LRRFIP2: variants seen among roughly 807,000 people sequenced by gnomAD.
The protein encoded by LRRFIP2 is leucine-rich repeat flightless-interacting protein 2.
Under a neutral mutation model 125.9 loss-of-function variants are expected in LRRFIP2, and 109 were observed. The observed-to-expected ratio is 0.87, with a 90% CI of 0.74 to 1.01. The LOEUF (loss-of-function observed/expected upper bound fraction) is 1.01, where lower values mean the gene tolerates loss of function less well. Among genes scored for constraint, LRRFIP2 ranks in the 50% least tolerant of loss-of-function variants. The pLI is 0.00. For synonymous variants in LRRFIP2, 291 were observed against 293.1 expected (o/e 0.99, Z 0.07); for missense variants, 850 against 862.3 (o/e 0.99, Z 0.18).
chr3:37,132,329 T>C (rs945791896), intron 2 of LRRFIP2, among the ~76,000 whole-genome samples: 14 of 152,234 alleles, frequency 9.2e-5, no homozygotes, highest in African/African-American at 3.4e-4. Flanking sequence ...AGAATGCTAA[T>C]TTTATCCTTC....
intron 4 of LRRFIP2, among the ~76,000 whole-genome samples, chr3:37,123,358 C>T (rs1363239539): frequency 6.6e-6 from 1 of 152,112 alleles, no homozygotes; most frequent in East Asian, 1.9e-4. Flanking sequence ...CACCCGGCTA[C>T]TTTTTGTTTT....
chr3:37,137,094 G>A (rs2095577036), intron 2 of LRRFIP2, among the ~76,000 whole-genome samples: 2 of 151,768 alleles, frequency 1.3e-5, no homozygotes, highest in African/African-American at 4.8e-5. Context: ...TCAGCCTCCT[G>A]ATTAGCTGAG....
At chr3:37,152,685 C>A (rs1027817729) in intron 1 of LRRFIP2, among the ~76,000 whole-genome samples, 2 of 152,140 alleles carry the variant, frequency 1.3e-5, no homozygotes, top group South Asian at 2.1e-4. Context: ...TCAGGTGATC[C>A]GCCCGCCTCA....
Position 37,118,682 on chromosome 3 carries a change from T to C in LRRFIP2, c.330+2810A>G, listed in dbSNP as rs529320500. ...CTTTCAAAAAGATAGTATATGAAAG[T>C]TAATTGGACAAAAGGAGAAACCTAA... is the stretch of plus-strand genomic sequence containing the variant. On this transcript the variant is annotated intron_variant, in intron 6 of 27. Coordinates refer to ENST00000336686, the MANE Select transcript of LRRFIP2 (RefSeq NM_006309.4). Among the ~76,000 whole-genome samples the C allele has an allele frequency of 2.0e-5, 3 of 152,160 alleles. No homozygotes were observed. The South Asian group carries it at 6.2e-4, about 32-fold the overall frequency.
chr3:37,129,095 G>A lies in LRRFIP2; in HGVS notation c.145C>T (p.Arg49Cys), dbSNP rs141469705. ...RAARAEARDI[R>C]MRELERQQKE... ...TGTTGTCGTTCCAGTTCTCTCATGC[G>A]TATATCTCTTGCTTCTGCCCGGGCA... The change falls in exon 3 of 28, where the codon CGC (arginine) becomes TGC (cysteine). Residue 49 changes from arginine (R) to cysteine (C), a missense_variant. By Grantham distance (180) the Arg-to-Cys change is radical (BLOSUM62 -3). Coordinates refer to ENST00000336686, the MANE Select transcript of LRRFIP2 (RefSeq NM_006309.4). 9 of 1,613,892 alleles carry A rather than the reference G, an allele frequency of 5.6e-6. No individual in the cohort carries two copies. Among genetic ancestry groups the A allele is most frequent in the East Asian group, 4.5e-5 (2 of 44,884 alleles).
At chr3:37,085,456 G>C (rs1396671766) in intron 18 of LRRFIP2, among the ~76,000 whole-genome samples, 2 of 151,770 alleles carry the variant, frequency 1.3e-5, no homozygotes, top group Admixed American at 1.3e-4. Context: ...AGGAGGCAGA[G>C]GTTGCAGTGA....
chr3:37,113,208 T>C (rs2094617768), intron 7 of LRRFIP2, among the ~76,000 whole-genome samples: 1 of 152,182 alleles, frequency 6.6e-6, no homozygotes, highest in African/African-American at 2.4e-5. Flanking sequence ...GTGCCAAGCA[T>C]CTGTGTGTCT....
chr3:37,086,383 G>A (rs1446032443), intron 18 of LRRFIP2, among the ~76,000 whole-genome samples: 1 of 152,132 alleles, frequency 6.6e-6, no homozygotes, highest in Non-Finnish European at 1.5e-5. Flanking sequence ...ATCTACCAAA[G>A]AGAATTGAAA....
intron 13 of LRRFIP2, among the ~76,000 whole-genome samples, chr3:37,106,877 A>C (rs2094350311): frequency 6.6e-6 from 1 of 151,906 alleles, no homozygotes; most frequent in Admixed American, 6.6e-5. Flanking sequence ...AAAATATGAC[A>C]ATCTAATGTC....
intron 17 of LRRFIP2, among the ~76,000 whole-genome samples, chr3:37,094,248 T>C (rs1050624938): frequency 6.6e-6 from 1 of 152,196 alleles, no homozygotes; most frequent in Admixed American, 6.5e-5. Context: ...AAATAAAATA[T>C]ATATTTTTTA....
chr3:37,108,085 T>G lies in LRRFIP2; in HGVS notation c.702A>C (p.Arg234=), dbSNP rs201895463. 4.1e-5 allele frequency: 66 copies of G among 1,613,948 alleles called. No homozygotes were observed. The highest frequency in any genetic ancestry group is 3.3e-4 in the Middle Eastern group (2 of 6,058). Residue 234 remains arginine (R), a synonymous_variant, in exon 13 of 28, where the codon CGA becomes CGC. Coordinates refer to ENST00000336686, the MANE Select transcript of LRRFIP2 (RefSeq NM_006309.4). The stretch of plus-strand genomic sequence containing the variant: ...CTAGACAGCTCACCCCTGGACTGCT[T>G]CGGGCTGAACTTATTCTTGATGAAT... ...SYYSSRISSA[R]SSPGFTNDDT... is the part of the protein sequence containing the mutation.
intron 2 of LRRFIP2, among the ~76,000 whole-genome samples, chr3:37,139,543 C>T (rs2095638698): frequency 6.6e-6 from 1 of 152,150 alleles, no homozygotes; most frequent in Non-Finnish European, 1.5e-5. Flanking sequence ...CCTCCAAAGC[C>T]ACTAACAGAC....
intron 19 of LRRFIP2, among the ~76,000 whole-genome samples, chr3:37,081,119 A>T (rs1298315388): frequency 6.6e-6 from 1 of 152,228 alleles, no homozygotes; most frequent in Non-Finnish European, 1.5e-5. Context: ...ACAGCCAGGC[A>T]TGGTAGCATG....
chr3:37,103,053 G>GA, intron 14 of LRRFIP2, 40 bp from the exon 15 acceptor site: 1 of 1,449,994 alleles, frequency 6.9e-7, no homozygotes, highest in East Asian at 2.5e-5. Flanking sequence ...TCAAGGTTAA[G>GA]AAAAAAGAAA....
chr3:37,117,769 T>C (rs973703517), intron 6 of LRRFIP2, among the ~76,000 whole-genome samples: 9 of 152,108 alleles, frequency 5.9e-5, no homozygotes, highest in Non-Finnish European at 1.3e-4. Flanking sequence ...TACTCAAATA[T>C]CAAGGACACT....
chr3:37,069,794 T>G (rs1392782992), intron 21 of LRRFIP2, among the ~76,000 whole-genome samples: 1 of 152,232 alleles, frequency 6.6e-6, no homozygotes, highest in African/African-American at 2.4e-5. Context: ...CTTGAGGGAC[T>G]TATACAGAGT....
rs189197272 is a variant in LRRFIP2, at chr3:37,136,043, C to T, written c.91-6894G>A. On this transcript the variant is annotated intron_variant, in intron 2 of 27. Coordinates refer to ENST00000336686, the MANE Select transcript of LRRFIP2 (RefSeq NM_006309.4). ...AAAAAGTAGAAATAACCCAAATATC[C>T]ATCAACTGATGAACGAATAAACCAG... Among the ~76,000 whole-genome samples the T allele has an allele frequency of 9.9e-5, 15 of 152,268 alleles. No homozygotes were observed. The East Asian group carries it at 2.1e-3, about 22-fold the overall frequency.
At chr3:37,071,370 C>A (rs1320943859) in intron 21 of LRRFIP2, among the ~76,000 whole-genome samples, 1 of 152,120 alleles carries the variant, frequency 6.6e-6, no homozygotes. Flanking sequence ...GCATGCTCTG[C>A]AAATTTTAAA....
chr3:37,070,823 C>T (rs2091059729), intron 21 of LRRFIP2, among the ~76,000 whole-genome samples: 1 of 151,884 alleles, frequency 6.6e-6, no homozygotes, highest in South Asian at 2.1e-4. Flanking sequence ...ATGGCTGGTC[C>T]AAGATTATCA....
Sources: allele counts gnomAD v4.1 joint callset (sites outside exome capture counted in the v4.1 genomes callset), GRCh38; gene constraint gnomAD v4.1.1; transcripts MANE v1.5; gene names NCBI Gene and HGNC (gene_info 2026-07-23, HGNC 2026-07-21).